The following ZFHX3 variants were observed in gnomAD, a reference collection of about 807,000 sequenced individuals.
The protein encoded by ZFHX3 is zinc finger homeobox 3.
A neutral mutation model predicts 279.1 loss-of-function variants in ZFHX3; 42 were observed. That is an observed-to-expected ratio of 0.15 (90% CI 0.12 to 0.19). The LOEUF (loss-of-function observed/expected upper bound fraction) is 0.19, where lower values mean the gene tolerates loss of function less well. Among genes scored for constraint, ZFHX3 ranks in the 10% least tolerant of loss-of-function variants. The probability of loss-of-function intolerance (pLI) is 1.00; values close to 1 mark genes in which losing one functional copy is unlikely to be tolerated. For synonymous variants in ZFHX3, 2,293 were observed against 1,957.8 expected (o/e 1.17, Z -4.52); for missense variants, 4,981 against 4,754.0 (o/e 1.05, Z -1.40).
intron 2 of ZFHX3, among the ~76,000 whole-genome samples, chr16:73,643,619 C>T (rs561361730): frequency 6.6e-6 from 1 of 152,212 alleles, no homozygotes. Flanking sequence ...AAAACTCAAC[C>T]TGAAAAGTCA....
chr16:73,788,828 G>T (rs1488951340), intron 1 of ZFHX3, among the ~76,000 whole-genome samples: 1 of 151,344 alleles, frequency 6.6e-6, no homozygotes, highest in Non-Finnish European at 1.5e-5. Context: ...CAAAAAATTA[G>T]CTGGGTGTGC....
chr16:73,581,661 T>C (rs921603304), intron 2 of ZFHX3, among the ~76,000 whole-genome samples: 9 of 80,512 alleles, frequency 1.1e-4, no homozygotes, highest in African/African-American at 2.7e-4. Context: ...GAATGTCTCT[T>C]TTTTTTTTTT....
chr16:73,241,688 G>A (rs527292212), intron 5 of ZFHX3, among the ~76,000 whole-genome samples: 1 of 151,554 alleles, frequency 6.6e-6, no homozygotes, highest in Admixed American at 6.6e-5. Flanking sequence ...TACTTGGGAG[G>A]CTGAGGCAGG....
chr16:73,398,985 C>T (rs963597218), intron 3 of ZFHX3, among the ~76,000 whole-genome samples: 2 of 152,048 alleles, frequency 1.3e-5, no homozygotes, highest in Non-Finnish European at 2.9e-5. Context: ...CTGTCTCAGC[C>T]TCCCAAGTAG....
intron 4 of ZFHX3, among the ~76,000 whole-genome samples, chr16:73,282,594 G>A (rs62054693): frequency 6.6e-5 from 10 of 152,018 alleles, no homozygotes; most frequent in Admixed American, 2.6e-4. Flanking sequence ...CACTCACTAC[G>A]ATTAAATTAA....
At chr16:72,948,020 A>T (rs1017887651) in intron 3 of ZFHX3, among the ~76,000 whole-genome samples, 2 of 152,204 alleles carry the variant, frequency 1.3e-5, no homozygotes, top group Non-Finnish European at 2.9e-5. Context: ...AGCCTTCCTT[A>T]GTGGCAAGAG....
At chr16:73,798,272 G>A (rs1483949116) in intron 1 of ZFHX3, among the ~76,000 whole-genome samples, 1 of 152,018 alleles carries the variant, frequency 6.6e-6, no homozygotes, top group East Asian at 1.9e-4. Context: ...GAATTCCTCT[G>A]GGGGTGGGGA....
chr16:73,805,103 C>T (rs1446661530), intron 1 of ZFHX3, among the ~76,000 whole-genome samples: 1 of 152,154 alleles, frequency 6.6e-6, no homozygotes. Flanking sequence ...AACTATAGCT[C>T]TGTCATTCCA....
At chr16:73,127,203 A>G in intron 7 of ZFHX3, 1 of 540,618 alleles carries the variant, frequency 1.8e-6, no homozygotes, top group Non-Finnish European at 2.9e-6. Flanking sequence ...TGCAAACCAG[A>G]GCAGTCGTGC....
At chr16:73,184,720 G>T (rs192487613) in intron 5 of ZFHX3, among the ~76,000 whole-genome samples, 100 of 152,294 alleles carry the variant, frequency 6.6e-4, no homozygotes, top group South Asian at 2.3e-3. Flanking sequence ...AAATCCATTT[G>T]CAAGGATGAG....
At chr16:73,835,468 T>C (rs2142362945) in intron 1 of ZFHX3, among the ~76,000 whole-genome samples, 1 of 128,878 alleles carries the variant, frequency 7.8e-6, no homozygotes, top group Admixed American at 7.8e-5. Flanking sequence ...CTTTTTTTTT[T>C]TTTTTTTTTT....
chr16:73,748,042 G>A (rs2053720081), intron 1 of ZFHX3, among the ~76,000 whole-genome samples: 1 of 152,150 alleles, frequency 6.6e-6, no homozygotes, highest in Non-Finnish European at 1.5e-5. Context: ...AAAAGCAAAA[G>A]ATGTTGGGGA....
At chr16:73,097,089 T>G (rs1401668203) in intron 7 of ZFHX3, among the ~76,000 whole-genome samples, 2 of 152,052 alleles carry the variant, frequency 1.3e-5, no homozygotes. Flanking sequence ...GGTCTTGTTC[T>G]GTCACCCAGG....
chr16:73,179,674 G>A (rs1394826059), intron 5 of ZFHX3, among the ~76,000 whole-genome samples: 6 of 151,992 alleles, frequency 3.9e-5, no homozygotes. Context: ...AGGAGATTAA[G>A]TCTCCAAGTT....
At chr16:73,773,218 G>A (rs530251971) in intron 1 of ZFHX3, among the ~76,000 whole-genome samples, 39 of 152,312 alleles carry the variant, frequency 2.6e-4, no homozygotes, top group African/African-American at 7.7e-4. Flanking sequence ...CGTGTTGCAC[G>A]GCACAGATAT....
At chr16:73,579,944 T>C (rs2051842470) in intron 2 of ZFHX3, among the ~76,000 whole-genome samples, 2 of 147,118 alleles carry the variant, frequency 1.4e-5, no homozygotes, top group South Asian at 4.2e-4. Flanking sequence ...TATATTATAA[T>C]GTAGAATATA....
At chr16:73,558,709 CTTT>C (rs989644068) in intron 2 of ZFHX3, among the ~76,000 whole-genome samples, 177 of 90,486 alleles carry the variant, frequency 2.0e-3, no homozygotes, top group African/African-American at 7.4e-3. Context: ...GAAAATGACT[CTTT>C]TTTTTTTTTT....
intron 2 of ZFHX3, among the ~76,000 whole-genome samples, chr16:73,604,662 T>G (rs2052158927): frequency 6.6e-6 from 1 of 151,660 alleles, no homozygotes; most frequent in African/African-American, 2.4e-5. Context: ...AGAGAATGGC[T>G]TCACCCCGGG....
intron 5 of ZFHX3, among the ~76,000 whole-genome samples, chr16:73,154,563 A>G (rs1294685743): frequency 6.6e-6 from 1 of 152,216 alleles, no homozygotes; most frequent in African/African-American, 2.4e-5. Flanking sequence ...CTTGCAGCCC[A>G]GGATGAAGCT....
Sources: allele counts gnomAD v4.1 joint callset (sites outside exome capture counted in the v4.1 genomes callset), GRCh38; gene constraint gnomAD v4.1.1; transcripts MANE v1.5; gene names NCBI Gene and HGNC (gene_info 2026-07-23, HGNC 2026-07-21).